DUSP10: variants seen among roughly 807,000 people sequenced by gnomAD.
The protein encoded by DUSP10 is dual specificity protein phosphatase 10.
A neutral mutation model predicts 30.8 loss-of-function variants in DUSP10; 14 were observed. The ratio of observed to expected loss-of-function variants is 0.46; its 90% confidence interval spans 0.30 to 0.71. The LOEUF (loss-of-function observed/expected upper bound fraction) is 0.71. Among genes scored for constraint, DUSP10 ranks in the 30% least tolerant of loss-of-function variants. The pLI is 0.08. For synonymous variants in DUSP10, 254 were observed against 250.4 expected (o/e 1.01, Z -0.14); for missense variants, 550 against 619.4 (o/e 0.89, Z 1.19).
rs772366448 is a variant in DUSP10 at position 221,739,703 on chromosome 1, T to A, written c.42A>T (p.Leu14=). The stretch of plus-strand genomic sequence containing the variant: ...GATCCTGAGGTCGGACGGGCCTAGA[T>A]AGTGCCACTACTACCCTGTCGTCTA... ...SPLDDRVVVA[L]SRPVRPQDLN... is the part of the protein sequence containing the mutation. Residue 14 remains leucine (L), a synonymous_variant, in exon 2 of 4, where the codon CTA becomes CTT. Coordinates refer to ENST00000366899, the MANE Select transcript of DUSP10 (RefSeq NM_007207.6). The A allele has an allele frequency of 1.2e-6, 2 of 1,612,444 alleles. No homozygotes were observed. The highest frequency in any genetic ancestry group is 1.7e-6 in the Non-Finnish European group (2 of 1,179,094).
rs1191790088 is a variant in DUSP10, at chr1:221,702,640, G to A, written c.1221C>T (p.His407=). The change falls in exon 4 of 4, where the codon CAC becomes CAT. Residue 407 remains histidine (H), a synonymous_variant. Transcript: ENST00000366899. The surrounding 1 kb of genome is among the most constrained non-coding windows in gnomAD (Gnocchi z 4.5). ...CGGAGCGGGACACCCCAGCCTGGCAGTGGATGAGAAGCCCCTTCCCACACT... is the reference window on the plus strand; with the variant it reads ...CGGAGCGGGACACCCCAGCCTGGCAATGGATGAGAAGCCCCTTCCCACACT... The part of the protein sequence containing the change: ...AHQCGKGLLI[H]CQAGVSRSAT... 6.2e-7 allele frequency: 1 copy of A among 1,614,184 alleles called. No homozygotes were observed. The highest frequency in any genetic ancestry group is 1.1e-5 in the South Asian group (1 of 91,074).
rs1571803556 is a variant in DUSP10, at chr1:221,702,732, G to A, written c.1184-55C>T. The A allele has an allele frequency of 1.3e-6, 2 of 1,577,360 alleles. No homozygotes were observed. The highest frequency in any genetic ancestry group is 4.5e-5 in the East Asian group (2 of 44,426). ...AGGGAAGATGGAAGAGAGAGGCACG[G>A]AGAGAGAAACTTTCATCTCAACTTT... On this transcript the variant is annotated intron_variant, in intron 3 of 3. Coordinates refer to ENST00000366899, the MANE Select transcript of DUSP10 (RefSeq NM_007207.6). This position sits in a 1 kb window ranked among gnomAD's most constrained non-coding sequence, Gnocchi z 4.5.
At position 221,706,367 on chromosome 1, in the gene DUSP10, G is replaced by A. The variant is rs150730832; in HGVS notation, c.911C>T (p.Ser304Leu). The change falls in exon 3 of 4, where the codon TCG becomes TTG. Residue 304 changes from serine to leucine, a missense_variant. Coordinates refer to ENST00000366899, the MANE Select transcript of DUSP10 (RefSeq NM_007207.6). This position sits in a 1 kb window ranked among gnomAD's most constrained non-coding sequence, Gnocchi z 4.6. Reference protein sequence around the residue: ...REVGGGASAASSLLPQPIPTT... With the variant: ...REVGGGASAALSLLPQPIPTT... ...GGGGATGGGCTGAGGTAGCAAGCTC[G>A]AGGCCGCGGATGCGCCGCCCCCCAC... 384 of 1,598,870 alleles carry A rather than the reference G, an allele frequency of 2.4e-4. 2 individuals carry two copies. In the African/African-American group the frequency reaches 4.4e-3, roughly 18 times the overall value.
chr1:221,705,819 C>T (rs138314519), intron 3 of DUSP10, among the ~76,000 whole-genome samples: 1 of 152,346 alleles, frequency 6.6e-6, no homozygotes, highest in East Asian at 1.9e-4. Flanking sequence ...ACCCCTACCA[C>T]TATTTCACTG....
rs1164050599 is a variant in DUSP10 at position 221,706,821 on chromosome 1, T to G, written c.812-355A>C. Among the ~76,000 whole-genome samples the G allele has an allele frequency of 6.6e-6, 1 of 152,032 alleles. No individual in the cohort carries two copies. Among genetic ancestry groups the G allele is most frequent in the Non-Finnish European group, 1.5e-5 (1 of 68,000 alleles). ...TCAAAGAGCCATATGCTCAGTGGCCTACATAGAACCCTGTGCTTTGGGAGC... is the reference window on the plus strand; with the variant it reads ...TCAAAGAGCCATATGCTCAGTGGCCGACATAGAACCCTGTGCTTTGGGAGC... On this transcript the variant is annotated intron_variant, in intron 2 of 3. Transcript: ENST00000366899. This position sits in a 1 kb window ranked among gnomAD's most constrained non-coding sequence, Gnocchi z 4.6.
chr1:221,739,312 C>A lies in DUSP10; in HGVS notation c.433G>T (p.Ala145Ser). The A allele has an allele frequency of 6.2e-7, 1 of 1,614,144 alleles. No individual in the cohort carries two copies. Among genetic ancestry groups the A allele is most frequent in the Non-Finnish European group, 8.5e-7 (1 of 1,180,010 alleles). The part of the protein sequence containing the change: ...SPVSGTPKQL[A>S]SIKIIYPNDL... ...TTGGGGTAGATTATTTTGATGCTGG[C>A]TAGCTGCTTGGGGGTCCCTGACACA... Residue 145 changes from alanine (A) to serine (S), a missense_variant, in exon 2 of 4, where the codon GCC (alanine) becomes TCC (serine). Physicochemically the swap from Ala to Ser is moderately conservative, Grantham distance 99. Coordinates refer to ENST00000366899, the MANE Select transcript of DUSP10 (RefSeq NM_007207.6).
chr1:221,739,009 C>T lies in DUSP10; in HGVS notation c.736G>A (p.Val246Met), dbSNP rs991592534. The T allele has an allele frequency of 6.2e-7, 1 of 1,614,182 alleles. No individual in the cohort carries two copies. Among genetic ancestry groups the T allele is most frequent in the Admixed American group, 1.7e-5 (1 of 60,026 alleles). ...YDENTNEPSR[V>M]MPSQPLHIVL... ...ATGTGAAGTGGCTGGGAGGGCATCA[C>T]TCGGCTTGGTTCATTGGTATTCTCA... The change falls in exon 2 of 4, where the codon GTG (valine) becomes ATG (methionine). Residue 246 changes from valine to methionine, a missense_variant. Transcript: ENST00000366899.
intron 2 of DUSP10, among the ~76,000 whole-genome samples, chr1:221,724,996 C>A (rs140896896): frequency 1.0e-3 from 157 of 152,276 alleles, no homozygotes; most frequent in African/African-American, 3.6e-3. Flanking sequence ...AAAGACACCC[C>A]AAAAGCAGTG....
intron 2 of DUSP10, among the ~76,000 whole-genome samples, chr1:221,723,378 AATACATAC>A (rs1661333578): frequency 6.6e-6 from 1 of 152,244 alleles, no homozygotes; most frequent in South Asian, 2.1e-4. Flanking sequence ...CTGTTCTCCT[AATACATAC>A]ATCCAAATAA....
rs2102607953 is a variant in DUSP10 at position 221,702,378 on chromosome 1, T to C, written c.*34A>G. 1 of 1,605,470 alleles carries C rather than the reference T, an allele frequency of 6.2e-7. No individual in the cohort carries two copies. The highest frequency in any genetic ancestry group is 8.5e-7 in the Non-Finnish European group (1 of 1,175,032). ...ATCCTCCTTCCTCATTGTCTCCTAA[T>C]GGAGAGCAGCAATCCTTTCCATCCA... On this transcript the variant is annotated 3_prime_UTR_variant, in exon 4 of 4. Transcript: ENST00000366899. This position sits in a 1 kb window ranked among gnomAD's most constrained non-coding sequence, Gnocchi z 4.5.
intron 2 of DUSP10, among the ~76,000 whole-genome samples, chr1:221,719,098 A>G (rs1242143021): frequency 2.0e-5 from 3 of 152,228 alleles, no homozygotes; most frequent in Non-Finnish European, 4.4e-5. Context: ...AACAGTATGT[A>G]TAACTGTGTA....
chr1:221,738,085 A>G (rs1471533737), intron 2 of DUSP10, among the ~76,000 whole-genome samples: 1 of 152,268 alleles, frequency 6.6e-6, no homozygotes, highest in African/African-American at 2.4e-5. Flanking sequence ...GGCTGGGCAC[A>G]GGATGCAGGC....
chr1:221,727,798 C>T (rs1661467564), intron 2 of DUSP10, among the ~76,000 whole-genome samples: 1 of 152,186 alleles, frequency 6.6e-6, no homozygotes, highest in Non-Finnish European at 1.5e-5. Context: ...GTTCTCCATT[C>T]ACTAATTCTA....
chr1:221,718,730 C>G (rs1275297402), intron 2 of DUSP10, among the ~76,000 whole-genome samples: 1 of 152,220 alleles, frequency 6.6e-6, no homozygotes, highest in East Asian at 1.9e-4. Context: ...GCTCAACCAT[C>G]CACCCCGAGG....
At chr1:221,722,117 T>G (rs927375840) in intron 2 of DUSP10, among the ~76,000 whole-genome samples, 1 of 152,230 alleles carries the variant, frequency 6.6e-6, no homozygotes, top group Non-Finnish European at 1.5e-5. Flanking sequence ...CTTAAGACCA[T>G]GTGAAACCAC....
At chr1:221,721,319 G>A (rs1661272352) in intron 2 of DUSP10, among the ~76,000 whole-genome samples, 1 of 152,090 alleles carries the variant, frequency 6.6e-6, no homozygotes, top group Non-Finnish European at 1.5e-5. Flanking sequence ...AGATTTGATT[G>A]AAAAAAATAG....
intron 2 of DUSP10, among the ~76,000 whole-genome samples, chr1:221,720,763 T>A (rs1226597277): frequency 6.6e-6 from 1 of 152,226 alleles, no homozygotes; most frequent in Non-Finnish European, 1.5e-5. Flanking sequence ...GATTCAGACC[T>A]CAGACCAGAT....
At chr1:221,722,896 G>C (rs1571821657) in intron 2 of DUSP10, among the ~76,000 whole-genome samples, 1 of 152,036 alleles carries the variant, frequency 6.6e-6, no homozygotes, top group South Asian at 2.1e-4. Context: ...CCAAACAAAA[G>C]CCCCAAAAGA....
At chr1:221,716,913 A>G (rs1661122990) in intron 2 of DUSP10, among the ~76,000 whole-genome samples, 1 of 152,168 alleles carries the variant, frequency 6.6e-6, no homozygotes, top group South Asian at 2.1e-4. Context: ...CACTGTTATA[A>G]TCTCTTGTAT....
Sources: gnomAD v4.1 joint callset for allele counts (sites outside exome capture counted in the v4.1 genomes callset) on GRCh38, gnomAD v4.1.1 for gene constraint, Gnocchi (gnomAD v3.1) non-coding constraint, MANE v1.5 for transcripts, NCBI Gene and HGNC (gene_info 2026-07-23, HGNC 2026-07-21) for gene names.